TCP10L: variants seen among roughly 807,000 people sequenced by gnomAD.
TCP10L encodes the protein T-complex protein 10A homolog 1.
A neutral mutation model predicts 19.2 loss-of-function variants in TCP10L; 11 were observed. The ratio of observed to expected loss-of-function variants is 0.57; its 90% CI spans 0.36 to 0.95. The LOEUF (loss-of-function observed/expected upper bound fraction) is 0.95, where lower values mean the gene tolerates loss of function less well. Ranked by LOEUF, TCP10L falls within the 40% of genes least tolerant of loss-of-function variation. The probability of loss-of-function intolerance (pLI) is 0.01; values close to 1 mark genes in which losing one functional copy is unlikely to be tolerated. For synonymous variants in TCP10L, 96 were observed against 97.2 expected (o/e 0.99, Z 0.07); for missense variants, 247 against 263.9 (o/e 0.94, Z 0.44).
Position 32,573,858 on chromosome 21 carries a change from C to A in TCP10L, c.*2916G>T, listed in dbSNP as rs1015138219. Reference sequence around the variant, plus strand: ...CACACAGAGACATACAAATAACATACAAATAACACCTGCCATGACTGTGGC... The same window carrying A: ...CACACAGAGACATACAAATAACATAAAAATAACACCTGCCATGACTGTGGC... On this transcript the variant is annotated 3_prime_UTR_variant, in exon 5 of 5. Coordinates refer to ENST00000300258, the MANE Select transcript of TCP10L (RefSeq NM_144659.7). Among the ~76,000 whole-genome samples, 3 of 152,082 alleles carry A rather than the reference C, an allele frequency of 2.0e-5. No homozygotes were observed. The highest frequency in any genetic ancestry group is 2.9e-5 in the Non-Finnish European group (2 of 68,006).
In TCP10L at chr21:32,579,151, G is replaced by A. The variant is rs1422700146; in HGVS notation, c.361-320C>T. On this transcript the variant is annotated intron_variant, in intron 3 of 4. Transcript: ENST00000300258. ...CTTTAGGCTCCTGTGTCTTCAACCG[G>A]GAGTGTGTTAACGGAGGAAGAAAAT... Among the ~76,000 whole-genome samples the A allele has an allele frequency of 2.6e-5, 4 of 152,262 alleles. No individual in the cohort carries two copies. In the East Asian group the frequency reaches 7.7e-4, roughly 29 times the overall value.
chr21:32,576,585 A>G lies in TCP10L; in HGVS notation c.*189T>C. On this transcript the variant is annotated 3_prime_UTR_variant, in exon 5 of 5. Transcript: ENST00000300258. ...AATCCAAGTTGTTTGCTTTTATAGC[A>G]TTAGAGACATGTCTGAAGAACTTCA... The G allele has an allele frequency of 1.5e-6, 1 of 677,814 alleles. No individual in the cohort carries two copies. Among genetic ancestry groups the G allele is most frequent in the South Asian group, 2.2e-5 (1 of 45,398 alleles). 42.0% of individuals were successfully genotyped at this position (677,814 alleles called of 1,614,324 possible). A position where few individuals can be genotyped will look rare whatever the true frequency, so the allele number is the denominator to read the frequency against.
At chr21:32,579,849 G>A (rs1260282476) in intron 3 of TCP10L, among the ~76,000 whole-genome samples, 1 of 152,088 alleles carries the variant, frequency 6.6e-6, no homozygotes, top group African/African-American at 2.4e-5. Flanking sequence ...ACAGAAGGTG[G>A]ACAATCCCGG....
At chr21:32,577,202 T>G (rs919765382) in intron 4 of TCP10L, among the ~76,000 whole-genome samples, 2 of 152,206 alleles carry the variant, frequency 1.3e-5, no homozygotes, top group African/African-American at 4.8e-5. Flanking sequence ...AAAAATAATT[T>G]TCTACATTTT....
intron 2 of TCP10L, 59 bp downstream of exon 2, chr21:32,584,102 G>A: frequency 6.4e-7 from 1 of 1,550,780 alleles, no homozygotes; most frequent in Non-Finnish European, 8.7e-7. Flanking sequence ...GGGCCTCAGG[G>A]ACAGGAATCA....
At chr21:32,580,301 T>C (rs1347351961) in intron 3 of TCP10L, among the ~76,000 whole-genome samples, 5 of 151,460 alleles carry the variant, frequency 3.3e-5, no homozygotes, top group Admixed American at 6.6e-5. Context: ...AGAGACGGGG[T>C]TTCACCGTGT....
At position 32,576,746 on chromosome 21, in the gene TCP10L, A is replaced by G. The variant is rs2833909; in HGVS notation, c.*28T>C. On this transcript the variant is annotated 3_prime_UTR_variant, in exon 5 of 5. Transcript: ENST00000300258. Reference sequence around the variant, plus strand: ...TTCCAAGGGGCCAGTGTAGAGTGACACAGGTGTCCGAGGCCACCTTTCCAT... The same window carrying G: ...TTCCAAGGGGCCAGTGTAGAGTGACGCAGGTGTCCGAGGCCACCTTTCCAT... The G allele has an allele frequency of 0.088, 141,559 of 1,608,286 alleles. 6,649 individuals carry two copies. Among genetic ancestry groups the G allele is most frequent in the Non-Finnish European group, 0.096 (112,750 of 1,177,376 alleles).
intron 2 of TCP10L, among the ~76,000 whole-genome samples, chr21:32,583,640 C>T (rs1056541568): frequency 6.6e-6 from 1 of 150,700 alleles, no homozygotes; most frequent in African/African-American, 2.4e-5. Context: ...GCATTTTCAA[C>T]CTAACATGTT....
At position 32,574,809 on chromosome 21, in the gene TCP10L, T is replaced by C. The variant is rs1701659503; in HGVS notation, c.*1965A>G. The stretch of plus-strand genomic sequence containing the variant: ...TTCTTTCTTGTTCATGAGATTACTA[T>C]ACACATGTCAGGTCAGTTCAACAAC... On this transcript the variant is annotated 3_prime_UTR_variant, in exon 5 of 5. Coordinates refer to ENST00000300258, the MANE Select transcript of TCP10L (RefSeq NM_144659.7). 6.3e-6 allele frequency: 1 copy of C among 158,080 alleles called. No individual in the cohort carries two copies. The highest frequency in any genetic ancestry group is 2.1e-4 in the South Asian group (1 of 4,824). The allele number at this position is 158,080 out of a possible 1,614,324, so 9.8% of individuals were successfully genotyped here. A position where few individuals can be genotyped will look rare whatever the true frequency, so the allele number is the denominator to read the frequency against.
intron 4 of TCP10L, 102 bp from the exon 5 acceptor site, chr21:32,577,025 T>C: frequency 8.1e-7 from 1 of 1,233,412 alleles, no homozygotes; most frequent in East Asian, 2.4e-5. Context: ...TAGATGATTC[T>C]ACTCCCCCTT....
chr21:32,578,777 T>C lies in TCP10L; in HGVS notation c.415A>G (p.Ile139Val). 6.2e-7 allele frequency: 1 copy of C among 1,614,196 alleles called. No individual in the cohort carries two copies. Reference sequence around the variant, plus strand: ...TTCTTGTGGCCAGCGTATTTGGGTATTGTCTCTTCATCAGCTGACAGAGGT... The same window carrying C: ...TTCTTGTGGCCAGCGTATTTGGGTACTGTCTCTTCATCAGCTGACAGAGGT... The part of the protein sequence containing the change: ...ISPLSADEET[I>V]PKYAGHKNQS... Residue 139 changes from isoleucine to valine, a missense_variant, in exon 4 of 5, where the codon ATA (isoleucine) becomes GTA (valine). Transcript: ENST00000300258. This position sits in a 1 kb window ranked among gnomAD's most constrained non-coding sequence, Gnocchi z 4.2.
chr21:32,581,357 T>C (rs2038492374), intron 3 of TCP10L, among the ~76,000 whole-genome samples: 1 of 152,170 alleles, frequency 6.6e-6, no homozygotes, highest in South Asian at 2.1e-4. Context: ...TCCAAGCCCA[T>C]GTGTGATCTG....
chr21:32,576,552 TA>T lies in TCP10L; in HGVS notation c.*221del. On this transcript the variant is annotated 3_prime_UTR_variant, in exon 5 of 5. Transcript: ENST00000300258. ...AGAGCTCAGGAAAGCAACTGATTTA[TA>T]AAACCCAATCCAAGTTGTTTGCTTT... 1.6e-6 allele frequency: 1 copy of T among 624,388 alleles called. No individual in the cohort carries two copies. Among genetic ancestry groups the T allele is most frequent in the Non-Finnish European group, 2.7e-6 (1 of 369,754 alleles). The allele number at this position is 624,388 out of a possible 1,614,324, so 38.7% of individuals were successfully genotyped here. A position where few individuals can be genotyped will look rare whatever the true frequency, so the allele number is the denominator to read the frequency against.
Position 32,582,574 on chromosome 21 carries a change from C to CTTCT in TCP10L, c.145-163_145-160dup, listed in dbSNP as rs34459526. ...CAGGACTACCACAGCCTTTTTCTTT[C>CTTCT]TTCTTTCTTTCCTTTCTTTCTTTCT... On this transcript the variant is annotated intron_variant, in intron 2 of 4. Transcript: ENST00000300258. The surrounding 1 kb of genome is among the most constrained non-coding windows in gnomAD (Gnocchi z 4.2). 58,435 of 602,926 alleles carry CTTCT rather than the reference C, an allele frequency of 0.097. 3,260 individuals carry two copies. The highest frequency in any genetic ancestry group is 0.17 in the African/African-American group (7,961 of 46,128). The allele number at this position is 602,926 out of a possible 1,614,324, so 37.3% of individuals were successfully genotyped here.
Position 32,578,765 on chromosome 21 carries a change from C to G in TCP10L, c.427G>C (p.Ala143Pro), listed in dbSNP as rs374402294. 1.2e-6 allele frequency: 2 copies of G among 1,614,006 alleles called. No homozygotes were observed. The highest frequency in any genetic ancestry group is 1.7e-6 in the Non-Finnish European group (2 of 1,180,044). ...SADEETIPKY[A>P]GHKNQSATLL... ...GTGGCACTCTGATTCTTGTGGCCAGCGTATTTGGGTATTGTCTCTTCATCA... is the reference window on the plus strand; with the variant it reads ...GTGGCACTCTGATTCTTGTGGCCAGGGTATTTGGGTATTGTCTCTTCATCA... Residue 143 changes from alanine to proline, a missense_variant, in exon 4 of 5, where the codon GCT becomes CCT. Coordinates refer to ENST00000300258, the MANE Select transcript of TCP10L (RefSeq NM_144659.7). This position sits in a 1 kb window ranked among gnomAD's most constrained non-coding sequence, Gnocchi z 4.2.
At chr21:32,584,775 G>A (rs998382018) in intron 1 of TCP10L, among the ~76,000 whole-genome samples, 6 of 152,044 alleles carry the variant, frequency 3.9e-5, no homozygotes, top group Non-Finnish European at 8.8e-5. Context: ...AGACACCGAG[G>A]GAATTCTCAG....
At chr21:32,577,218 A>G (rs1400411030) in intron 4 of TCP10L, among the ~76,000 whole-genome samples, 1 of 152,242 alleles carries the variant, frequency 6.6e-6, no homozygotes, top group Non-Finnish European at 1.5e-5. Flanking sequence ...ATTTTGCACT[A>G]TTTAACAATT....
intron 4 of TCP10L, among the ~76,000 whole-genome samples, chr21:32,577,271 T>C (rs1267877822): frequency 2.0e-5 from 3 of 152,230 alleles, no homozygotes; most frequent in Non-Finnish European, 4.4e-5. Flanking sequence ...CAGTTATCTA[T>C]TTACTCGTAC....
At chr21:32,583,210 T>C (rs963821720) in intron 2 of TCP10L, among the ~76,000 whole-genome samples, 10 of 151,940 alleles carry the variant, frequency 6.6e-5, no homozygotes, top group Middle Eastern at 3.5e-3. Context: ...AATTTTTCTA[T>C]TGTTAGTAGA....
Sources: gnomAD v4.1 joint callset for allele counts (sites outside exome capture counted in the v4.1 genomes callset) on GRCh38, gnomAD v4.1.1 for gene constraint, Gnocchi (gnomAD v3.1) non-coding constraint, MANE v1.5 for transcripts, NCBI Gene and HGNC (gene_info 2026-07-23, HGNC 2026-07-21) for gene names.